The following DMC1 variants were observed in gnomAD, a reference collection of about 807,000 sequenced individuals.
DMC1 encodes the protein meiotic recombination protein DMC1 homolog.
Under a neutral mutation model 50.1 loss-of-function variants are expected in DMC1, and 27 were observed. That is an observed-to-expected ratio of 0.54 (90% confidence interval 0.40 to 0.74). The LOEUF is 0.74. Ranked by LOEUF, DMC1 falls within the 30% of genes least tolerant of loss-of-function variation. The pLI is 0.00. For missense variants in DMC1, 295 were observed against 420.2 expected (o/e 0.70, Z 2.60); for synonymous variants, 148 against 136.1 (o/e 1.09, Z -0.61).
rs1162366253 is a variant in DMC1 at position 38,566,669 on chromosome 22, G to A, written c.164C>T (p.Thr55Ile). Residue 55 changes from threonine (T) to isoleucine (I), a missense_variant, in exon 4 of 14, where the codon ACA (threonine) becomes ATA (isoleucine). Thr to Ile is a moderately conservative substitution (Grantham distance 89). Coordinates refer to ENST00000216024, the MANE Select transcript of DMC1 (RefSeq NM_007068.4). Reference protein sequence around the residue: ...ICTIKGIQMTTRRALCNVKGL... With the variant: ...ICTIKGIQMTIRRALCNVKGL... The stretch of plus-strand genomic sequence containing the variant: ...TTTGACATTGCATAGAGCTCTTCTT[G>A]TTGTCATCTGTATACCTTTGATGGT... 2 of 1,613,592 alleles carry A rather than the reference G, an allele frequency of 1.2e-6. No individual in the cohort carries two copies. The highest frequency in any genetic ancestry group is 2.2e-5 in the South Asian group (2 of 91,078).
intron 6 of DMC1, among the ~76,000 whole-genome samples, chr22:38,555,077 G>A (rs1428901650): frequency 1.4e-5 from 2 of 144,104 alleles, no homozygotes; most frequent in African/African-American, 5.2e-5. Context: ...GTGACACAGC[G>A]AGACTCCGTC....
rs746644230 is a variant in DMC1, at chr22:38,538,379, C to T, written c.691G>A (p.Val231Met). 6.2e-7 allele frequency: 1 copy of T among 1,613,966 alleles called. No individual in the cohort carries two copies. Among genetic ancestry groups the T allele is most frequent in the East Asian group, 2.2e-5 (1 of 44,856 alleles). ...IIDSIMALFRVDFSGRGELAE... is the reference protein window; with the variant it reads ...IIDSIMALFRMDFSGRGELAE... ...AACTCCCCACGGCCACTGAAATCCA[C>T]TCGAAAAAGTGCCATTATTGAATCG... Residue 231 changes from valine to methionine, a missense_variant, in exon 11 of 14, where the codon GTG (valine) becomes ATG (methionine). Transcript: ENST00000216024.
intron 13 of DMC1, among the ~76,000 whole-genome samples, chr22:38,521,203 G>T (rs1248668583): frequency 1.3e-5 from 2 of 152,012 alleles, no homozygotes; most frequent in Non-Finnish European, 2.9e-5. Context: ...AAGAAAGGAG[G>T]ATATGTTCCC....
intron 13 of DMC1, among the ~76,000 whole-genome samples, chr22:38,520,477 C>G (rs914000415): frequency 2.0e-5 from 3 of 152,070 alleles, no homozygotes; most frequent in Admixed American, 2.0e-4. Context: ...CCTGCCTCAG[C>G]CTCCTGAGTA....
chr22:38,523,088 A>T (rs555052264), intron 12 of DMC1, among the ~76,000 whole-genome samples: 121 of 152,274 alleles, frequency 7.9e-4, no homozygotes, highest in African/African-American at 2.4e-3. Flanking sequence ...AAACATTTTT[A>T]AAAAAATGTT....
intron 4 of DMC1, among the ~76,000 whole-genome samples, chr22:38,565,045 C>T (rs140774470): frequency 6.6e-6 from 1 of 152,274 alleles, no homozygotes; most frequent in East Asian, 1.9e-4. Context: ...CCCTCACATA[C>T]CAATAGAGAA....
At chr22:38,526,017 A>G (rs566702162) in intron 12 of DMC1, among the ~76,000 whole-genome samples, 2 of 152,244 alleles carry the variant, frequency 1.3e-5, no homozygotes, top group African/African-American at 4.8e-5. Flanking sequence ...GGGATAAAAA[A>G]GTCTAACAAA....
At chr22:38,521,830 A>C in intron 12 of DMC1, 106 bp from the exon 13 acceptor site, 1 of 848,472 alleles carries the variant, frequency 1.2e-6, no homozygotes. Flanking sequence ...AGTTGGAATA[A>C]GTGTATATTC....
At chr22:38,532,971 T>C (rs1009453442) in intron 12 of DMC1, among the ~76,000 whole-genome samples, 17 of 152,160 alleles carry the variant, frequency 1.1e-4, no homozygotes, top group Middle Eastern at 3.2e-3. Flanking sequence ...ACATAGTAGA[T>C]TTTCAATAAA....
At position 38,539,431 on chromosome 22, in the gene DMC1, A is replaced by T; in HGVS notation, c.495-19T>A. On this transcript the variant is annotated intron_variant, in intron 8 of 13. Transcript: ENST00000216024. The stretch of plus-strand genomic sequence containing the variant: ...TGGACGGCTGGAGTATGCCAAGATT[A>T]AGGATCCAATAAGTCAATTCTAAAA... 1 of 1,604,480 alleles carries T rather than the reference A, an allele frequency of 6.2e-7. No homozygotes were observed. Among genetic ancestry groups the T allele is most frequent in the South Asian group, 1.1e-5 (1 of 90,894 alleles).
chr22:38,546,091 A>G (rs2090341105), intron 8 of DMC1: 1 of 152,198 alleles, frequency 6.6e-6, no homozygotes, highest in African/African-American at 2.4e-5. Context: ...TATTGTTCTT[A>G]GTAAAATCCA....
intron 12 of DMC1, among the ~76,000 whole-genome samples, chr22:38,531,984 A>T (rs1253150399): frequency 1.3e-5 from 2 of 152,082 alleles, no homozygotes; most frequent in Non-Finnish European, 2.9e-5. Context: ...TTGCCTTCTA[A>T]CTCTAGAGTG....
At chr22:38,548,291 T>C (rs1447600260) in intron 8 of DMC1, among the ~76,000 whole-genome samples, 1 of 152,188 alleles carries the variant, frequency 6.6e-6, no homozygotes, top group Non-Finnish European at 1.5e-5. Flanking sequence ...ATTAAAATGA[T>C]GGCTGGGTGC....
At chr22:38,537,987 A>G (rs967095281) in intron 11 of DMC1, among the ~76,000 whole-genome samples, 3 of 152,058 alleles carry the variant, frequency 2.0e-5, no homozygotes, top group African/African-American at 7.3e-5. Context: ...TACTAAATAT[A>G]CAAAAAATTG....
chr22:38,557,074 AG>A (rs2090475559), intron 5 of DMC1, among the ~76,000 whole-genome samples: 1 of 152,178 alleles, frequency 6.6e-6, no homozygotes, highest in Non-Finnish European at 1.5e-5. Flanking sequence ...CCAGATATGC[AG>A]GTTTGTTACA....
chr22:38,540,191 G>A (rs1034605792), intron 8 of DMC1, among the ~76,000 whole-genome samples: 2 of 151,854 alleles, frequency 1.3e-5, no homozygotes, highest in East Asian at 1.9e-4. Context: ...GATTACAGGC[G>A]CGAGCCATCA....
chr22:38,524,029 G>C (rs528225797), intron 12 of DMC1, among the ~76,000 whole-genome samples: 21 of 152,274 alleles, frequency 1.4e-4, no homozygotes, highest in African/African-American at 5.1e-4. Context: ...AGCATGGTTG[G>C]CTTTACTGCC....
intron 13 of DMC1, 76 bp from the exon 14 acceptor site, chr22:38,520,165 A>T: frequency 8.1e-7 from 1 of 1,237,294 alleles, no homozygotes; most frequent in Non-Finnish European, 1.2e-6. Flanking sequence ...CACAGGCATT[A>T]TGTGCCCATC....
chr22:38,542,323 G>T (rs1266585290), intron 8 of DMC1, among the ~76,000 whole-genome samples: 1 of 151,896 alleles, frequency 6.6e-6, no homozygotes, highest in Non-Finnish European at 1.5e-5. Flanking sequence ...CCACCAAAAA[G>T]CTATTAGAAC....
Sources: allele counts gnomAD v4.1 joint callset (sites outside exome capture counted in the v4.1 genomes callset), GRCh38; gene constraint gnomAD v4.1.1; transcripts MANE v1.5; gene names NCBI Gene and HGNC (gene_info 2026-07-23, HGNC 2026-07-21).